The following RPH3A variants were observed in gnomAD, a reference collection of about 807,000 sequenced individuals.
RPH3A encodes the protein rabphilin 3A, also known as rabphilin-3A.
Under a neutral mutation model 102.2 loss-of-function variants are expected in RPH3A, and 48 were observed. The ratio of observed to expected loss-of-function variants is 0.47; its 90% CI spans 0.37 to 0.60. The LOEUF (loss-of-function observed/expected upper bound fraction) is 0.60. RPH3A is among the 20% of genes least tolerant of loss of function. The probability of loss-of-function intolerance (pLI) is 0.00; values close to 1 mark genes in which losing one functional copy is unlikely to be tolerated. For missense variants in RPH3A, 781 were observed against 910.1 expected (o/e 0.86, Z 1.83); for synonymous variants, 310 against 324.3 (o/e 0.96, Z 0.47).
chr12:112,618,719 C>G (rs2039699539), intron 1 of RPH3A, among the ~76,000 whole-genome samples: 1 of 152,008 alleles, frequency 6.6e-6, no homozygotes, highest in Admixed American at 6.6e-5. Flanking sequence ...AATTCTTATA[C>G]CATACAATTT....
intron 1 of RPH3A, among the ~76,000 whole-genome samples, chr12:112,726,856 C>G (rs188412365): frequency 1.1e-4 from 16 of 151,988 alleles, no homozygotes; most frequent in Admixed American, 9.2e-4. Context: ...AACCCTGTCT[C>G]TACTAAAAAT....
intron 2 of RPH3A, among the ~76,000 whole-genome samples, chr12:112,806,635 T>G (rs968178315): frequency 6.8e-6 from 1 of 146,712 alleles, no homozygotes; most frequent in African/African-American, 2.5e-5. Flanking sequence ...TCTCAAAAAT[T>G]AAAAAAAAAA....
intron 13 of RPH3A, among the ~76,000 whole-genome samples, chr12:112,878,237 G>T (rs1156846558): frequency 6.6e-6 from 1 of 152,092 alleles, no homozygotes; most frequent in Non-Finnish European, 1.5e-5. Context: ...CCTCATCCTG[G>T]TCCTTCCCTG....
chr12:112,623,170 C>A (rs1200670798), intron 1 of RPH3A, among the ~76,000 whole-genome samples: 1 of 143,234 alleles, frequency 7.0e-6, no homozygotes, highest in Non-Finnish European at 1.5e-5. Flanking sequence ...AAATAACCAG[C>A]TAACATCATA....
chr12:112,721,070 A>G (rs1408303234), intron 1 of RPH3A, among the ~76,000 whole-genome samples: 2 of 152,214 alleles, frequency 1.3e-5, no homozygotes, highest in Non-Finnish European at 2.9e-5. Context: ...TAATAATGGT[A>G]TCCACACTTC....
chr12:112,831,927 G>T, intron 3 of RPH3A: 11 of 378,954 alleles, frequency 2.9e-5, no homozygotes, highest in South Asian at 1.8e-4. Context: ...TTTCTACTTG[G>T]TGCATGTTGT....
intron 2 of RPH3A, among the ~76,000 whole-genome samples, chr12:112,827,737 G>A (rs962404706): frequency 3.9e-5 from 6 of 152,020 alleles, no homozygotes; most frequent in African/African-American, 1.5e-4. Context: ...ATCACACACC[G>A]GGGCCTATCC....
intron 1 of RPH3A, among the ~76,000 whole-genome samples, chr12:112,763,062 C>G (rs78184119): frequency 2.0e-5 from 3 of 152,234 alleles, no homozygotes; most frequent in South Asian, 2.1e-4. Context: ...TTTTCATCCT[C>G]TAAGATGAAA....
chr12:112,863,641 C>A (rs570522281), intron 5 of RPH3A, among the ~76,000 whole-genome samples: 3 of 152,188 alleles, frequency 2.0e-5, no homozygotes, highest in Non-Finnish European at 2.9e-5. Flanking sequence ...TTTGGCTCTG[C>A]CACTTCCTAG....
At position 112,694,637 on chromosome 12, in the gene RPH3A, C is replaced by T. The variant is rs925201646; in HGVS notation, c.-139-97506C>T. ...AGAGAGACAAAGACACACGCACGCG[C>T]GCGCGCGCACACGCACACACACACA... On this transcript the variant is annotated intron_variant, in intron 1 of 21. Transcript: ENST00000543106. Among the ~76,000 whole-genome samples, 9 of 108,978 alleles carry T rather than the reference C, an allele frequency of 8.3e-5. 1 individual carries two copies. The highest frequency in any genetic ancestry group is 9.3e-4 in the East Asian group (2 of 2,142). The allele number at this position is 108,978 out of a possible 152,430, so 71.5% of individuals were successfully genotyped here.
intron 1 of RPH3A, among the ~76,000 whole-genome samples, chr12:112,779,118 G>C (rs573173986): frequency 6.6e-6 from 1 of 152,318 alleles, no homozygotes; most frequent in East Asian, 1.9e-4. Flanking sequence ...GATGTGCTAG[G>C]ATTTGATTAG....
chr12:112,842,216 T>C (rs2042159375), intron 4 of RPH3A, among the ~76,000 whole-genome samples: 1 of 152,230 alleles, frequency 6.6e-6, no homozygotes, highest in African/African-American at 2.4e-5. Flanking sequence ...TAGGTAATTT[T>C]TCACTGAATT....
chr12:112,699,575 C>A (rs1328708942), intron 1 of RPH3A, among the ~76,000 whole-genome samples: 1 of 152,138 alleles, frequency 6.6e-6, no homozygotes, highest in Non-Finnish European at 1.5e-5. Flanking sequence ...AAAAGCAAAA[C>A]CAACCTATAG....
chr12:112,687,867 C>G (rs545055913), intron 1 of RPH3A, among the ~76,000 whole-genome samples: 1 of 152,312 alleles, frequency 6.6e-6, no homozygotes, highest in Admixed American at 6.5e-5. Flanking sequence ...AGGCCCACCC[C>G]ATTTCTTTGC....
At chr12:112,705,404 A>G (rs2040421519) in intron 1 of RPH3A, among the ~76,000 whole-genome samples, 1 of 152,230 alleles carries the variant, frequency 6.6e-6, no homozygotes, top group African/African-American at 2.4e-5. Flanking sequence ...CCACCTACTC[A>G]GAGTAACTCT....
chr12:112,815,128 T>A (rs548743851), intron 2 of RPH3A, among the ~76,000 whole-genome samples: 1 of 152,204 alleles, frequency 6.6e-6, no homozygotes, highest in South Asian at 2.1e-4. Context: ...GTGCCTCCCA[T>A]TGGACAAACC....
At chr12:112,870,159 G>A (rs2042683770) in intron 10 of RPH3A, 120 bp downstream of exon 10, 4 of 999,488 alleles carry the variant, frequency 4.0e-6, no homozygotes, top group East Asian at 2.7e-5. Flanking sequence ...ACTGTGTGCC[G>A]TGTTCTATTC....
chr12:112,717,803 A>C (rs1277944680), intron 1 of RPH3A, among the ~76,000 whole-genome samples: 1 of 151,930 alleles, frequency 6.6e-6, no homozygotes, highest in East Asian at 1.9e-4. Context: ...ACTTTATCAC[A>C]AATTGCCAAA....
At chr12:112,875,032 T>A in intron 10 of RPH3A, 52 bp from the exon 11 acceptor site, 1 of 949,992 alleles carries the variant, frequency 1.1e-6, no homozygotes, top group Non-Finnish European at 1.5e-6. Context: ...TCCTTCCTGC[T>A]GTGTGTGTGT....
Sources: gnomAD v4.1 joint callset for allele counts (sites outside exome capture counted in the v4.1 genomes callset) on GRCh38, gnomAD v4.1.1 for gene constraint, MANE v1.5 for transcripts, NCBI Gene and HGNC (gene_info 2026-07-23, HGNC 2026-07-21) for gene names.